Variants in SCD observed in about 807,000 individuals in gnomAD.
SCD encodes the protein stearoyl-CoA desaturase.
SCD carries 4 observed loss-of-function variants against 35.7 expected under a neutral mutation model. The ratio of observed to expected loss-of-function variants is 0.11; its 90% CI spans 0.06 to 0.26. The LOEUF (loss-of-function observed/expected upper bound fraction) is 0.26. Among genes scored for constraint, SCD ranks in the 10% least tolerant of loss-of-function variants. The pLI, the probability that SCD is intolerant of heterozygous loss-of-function variation, is 1.00. For synonymous variants in SCD, 150 were observed against 170.2 expected (o/e 0.88, Z 0.92); for missense variants, 282 against 460.7 (o/e 0.61, Z 3.55).
chr10:100,355,427 T>C (rs1849918268), intron 4 of SCD, among the ~76,000 whole-genome samples: 1 of 152,158 alleles, frequency 6.6e-6, no homozygotes, highest in South Asian at 2.1e-4. Context: ...TAGAGTCCTT[T>C]TGCTTGAAGT....
chr10:100,359,063 T>A lies in SCD; in HGVS notation c.881-1671T>A, dbSNP rs570208909. On this transcript the variant is annotated intron_variant, in intron 5 of 5. Coordinates refer to ENST00000370355, the MANE Select transcript of SCD (RefSeq NM_005063.5). ...ATAAATCATATACACTGTATAAATC[T>A]GAGATTATCATAGGAATGGAGTTTC... Among the ~76,000 whole-genome samples, 215 of 152,322 alleles carry A rather than the reference T, an allele frequency of 1.4e-3. 1 individual carries two copies. Among genetic ancestry groups the A allele is most frequent in the Non-Finnish European group, 2.0e-3 (139 of 68,024 alleles).
Position 100,361,105 on chromosome 10 carries a change from T to G in SCD, c.*172T>G. 1 of 617,644 alleles carries G rather than the reference T, an allele frequency of 1.6e-6. No individual in the cohort carries two copies. Among genetic ancestry groups the G allele is most frequent in the Non-Finnish European group, 2.8e-6 (1 of 354,338 alleles). The allele number at this position is 617,644 out of a possible 1,614,324, so 38.3% of individuals were successfully genotyped here. On this transcript the variant is annotated 3_prime_UTR_variant, in exon 6 of 6. Coordinates refer to ENST00000370355, the MANE Select transcript of SCD (RefSeq NM_005063.5). ...TATTGAAAGCCAACAACTCTGCCTTTATGATGCTAAGCTGATATTATTTCT... is the reference window on the plus strand; with the variant it reads ...TATTGAAAGCCAACAACTCTGCCTTGATGATGCTAAGCTGATATTATTTCT...
intron 4 of SCD, among the ~76,000 whole-genome samples, chr10:100,355,328 C>T (rs1564626007): frequency 6.6e-6 from 1 of 152,100 alleles, no homozygotes; most frequent in East Asian, 1.9e-4. Flanking sequence ...AATCCACCAA[C>T]GGATAGAAAT....
intron 3 of SCD, among the ~76,000 whole-genome samples, chr10:100,353,027 G>C (rs1261927564): frequency 3.3e-5 from 5 of 152,066 alleles, no homozygotes; most frequent in Non-Finnish European, 5.9e-5. Context: ...CTCCACCACA[G>C]TGGGATTGAA....
Position 100,361,767 on chromosome 10 carries a change from C to A in SCD, c.*834C>A, listed in dbSNP as rs199632168. The A allele has an allele frequency of 3.3e-4, 50 of 152,184 alleles. No individual in the cohort carries two copies. Among genetic ancestry groups the A allele is most frequent in the African/African-American group, 1.1e-3 (46 of 41,524 alleles). 9.4% of individuals were successfully genotyped at this position (152,184 alleles called of 1,614,324 possible). ...TTTCTTTTCTTTTTTTCTTTAATAACAAGGAGATTTCTTAGTTCATATATC... is the reference window on the plus strand; with the variant it reads ...TTTCTTTTCTTTTTTTCTTTAATAAAAAGGAGATTTCTTAGTTCATATATC... On this transcript the variant is annotated 3_prime_UTR_variant, in exon 6 of 6. Transcript: ENST00000370355.
rs1039352494 is a variant in SCD, at chr10:100,352,859, A to G, written c.441+363A>G. ...TGGGCAGACACTGGACAATAAATTC[A>G]CTATTTAAGGTAAATATCTTAGGGA... On this transcript the variant is annotated intron_variant, in intron 3 of 5. Transcript: ENST00000370355. The surrounding 1 kb of genome is among the most constrained non-coding windows in gnomAD (Gnocchi z 4.2). Among the ~76,000 whole-genome samples, 2 of 152,148 alleles carry G rather than the reference A, an allele frequency of 1.3e-5. No individual in the cohort carries two copies. Among genetic ancestry groups the G allele is most frequent in the African/African-American group, 4.8e-5 (2 of 41,424 alleles).
In SCD at chr10:100,348,041, TCTC is replaced by T. The variant is rs746983659; in HGVS notation, c.28-19_28-17del. 2.4e-5 allele frequency: 38 copies of T among 1,608,352 alleles called. No individual in the cohort carries two copies. In the African/African-American group the frequency reaches 4.8e-4, roughly 20 times the overall value. On this transcript the variant is annotated intron_variant, in intron 1 of 5. Coordinates refer to ENST00000370355, the MANE Select transcript of SCD (RefSeq NM_005063.5). ...GCCTCCACGTGTCTCTTCTCCTGAC[TCTC>T]CTCTTCCTCCCCCTTCCAGATCTCT...
intron 5 of SCD, among the ~76,000 whole-genome samples, chr10:100,358,295 C>T (rs970960596): frequency 4.6e-5 from 7 of 152,096 alleles, no homozygotes; most frequent in South Asian, 4.1e-4. Flanking sequence ...TGAGCCACTG[C>T]GCCTGGCCTA....
intron 5 of SCD, among the ~76,000 whole-genome samples, chr10:100,359,682 C>T (rs1849969643): frequency 1.3e-5 from 2 of 152,222 alleles, no homozygotes; most frequent in South Asian, 4.2e-4. Context: ...ACTTCCTTGC[C>T]TTGCTTCTGA....
intron 2 of SCD, among the ~76,000 whole-genome samples, chr10:100,348,853 A>G (rs1589697617): frequency 6.6e-6 from 1 of 152,170 alleles, no homozygotes; most frequent in African/African-American, 2.4e-5. Context: ...TGTTATCCAC[A>G]AAACTATTTT....
At chr10:100,360,215 C>T (rs929638640) in intron 5 of SCD, among the ~76,000 whole-genome samples, 13 of 152,228 alleles carry the variant, frequency 8.5e-5, no homozygotes, top group Admixed American at 8.5e-4. Context: ...TTTTAAGAGT[C>T]ATAGCCAGAG....
At chr10:100,358,174 A>G (rs944048902) in intron 5 of SCD, among the ~76,000 whole-genome samples, 1 of 151,450 alleles carries the variant, frequency 6.6e-6, no homozygotes, top group Non-Finnish European at 1.5e-5. Flanking sequence ...TAATTTTTCT[A>G]TTTTTTTGTA....
intron 3 of SCD, among the ~76,000 whole-genome samples, chr10:100,353,174 T>C (rs1256208666): frequency 6.6e-6 from 1 of 152,176 alleles, no homozygotes; most frequent in Non-Finnish European, 1.5e-5. Context: ...ATAGGTACTA[T>C]TATCCCCATT....
At chr10:100,354,118 A>C (rs1434917492) in intron 3 of SCD, among the ~76,000 whole-genome samples, 15 of 152,242 alleles carry the variant, frequency 9.9e-5, no homozygotes, top group Admixed American at 8.5e-4. Flanking sequence ...AAAGAATTGC[A>C]ATGTTCTCAC....
Position 100,352,640 on chromosome 10 carries a change from C to A in SCD, c.441+144C>A. ...CCTGTAGTCACCTCAAGTTCCAGTT[C>A]AGTCCTTAAGTCCATAAAGCATGAA... is the stretch of plus-strand genomic sequence containing the variant. On this transcript the variant is annotated intron_variant, in intron 3 of 5. Transcript: ENST00000370355. This position sits in a 1 kb window ranked among gnomAD's most constrained non-coding sequence, Gnocchi z 4.2. The A allele has an allele frequency of 1.3e-6, 1 of 770,872 alleles. No homozygotes were observed. Among genetic ancestry groups the A allele is most frequent in the Non-Finnish European group, 2.1e-6 (1 of 466,868 alleles). 47.8% of individuals were successfully genotyped at this position (770,872 alleles called of 1,614,324 possible).
intron 1 of SCD, among the ~76,000 whole-genome samples, chr10:100,347,756 C>G (rs1185145986): frequency 1.3e-5 from 2 of 152,212 alleles, no homozygotes; most frequent in African/African-American, 4.8e-5. Flanking sequence ...CGTGCTGGTG[C>G]TTTTATGAAT....
At position 100,363,674 on chromosome 10, in the gene SCD, A is replaced by C. The variant is rs1375780871; in HGVS notation, c.*2741A>C. On this transcript the variant is annotated 3_prime_UTR_variant, in exon 6 of 6. Transcript: ENST00000370355. Reference sequence around the variant, plus strand: ...ATGACCCTACATAAGGCTGGATGGCACCTCAGGCTGAGGGCCCCAATGTAT... The same window carrying C: ...ATGACCCTACATAAGGCTGGATGGCCCCTCAGGCTGAGGGCCCCAATGTAT... 1 of 152,462 alleles carries C rather than the reference A, an allele frequency of 6.6e-6. No homozygotes were observed. Among genetic ancestry groups the C allele is most frequent in the East Asian group, 1.9e-4 (1 of 5,196 alleles). 9.4% of individuals were successfully genotyped at this position (152,462 alleles called of 1,614,324 possible).
At chr10:100,359,270 T>C (rs1227995278) in intron 5 of SCD, among the ~76,000 whole-genome samples, 1 of 152,120 alleles carries the variant, frequency 6.6e-6, no homozygotes, top group East Asian at 1.9e-4. Context: ...TCCAGCTCTG[T>C]TTCCTGCCAC....
Position 100,356,618 on chromosome 10 carries a change from G to A in SCD, c.734G>A (p.Ser245Asn), listed in dbSNP as rs1849931196. The part of the protein sequence containing the change: ...WYFWGETFQN[S>N]VFVATFLRYA... ...TTCTGGGGTGAAACTTTTCAAAACA[G>A]TGTGTTCGTTGCCACTTTCTTGCGA... Residue 245 changes from serine (S) to asparagine (N), a missense_variant, in exon 5 of 6, where the codon AGT (serine) becomes AAT (asparagine). Ser to Asn is a conservative substitution (Grantham distance 46, BLOSUM62 1). Transcript: ENST00000370355. This position sits in a 1 kb window ranked among gnomAD's most constrained non-coding sequence, Gnocchi z 4.1. 16 of 1,614,238 alleles carry A rather than the reference G, an allele frequency of 9.9e-6. No homozygotes were observed. The highest frequency in any genetic ancestry group is 1.3e-5 in the Non-Finnish European group (15 of 1,180,048).
Sources: gnomAD v4.1 joint callset for allele counts (sites outside exome capture counted in the v4.1 genomes callset) on GRCh38, gnomAD v4.1.1 for gene constraint, Gnocchi (gnomAD v3.1) non-coding constraint, MANE v1.5 for transcripts, NCBI Gene and HGNC (gene_info 2026-07-23, HGNC 2026-07-21) for gene names.